The following SHROOM3 variants were observed in gnomAD, a reference collection of about 807,000 sequenced individuals.
SHROOM3 encodes the protein shroom family member 3, also known as protein Shroom3.
Under a neutral mutation model 138.6 loss-of-function variants are expected in SHROOM3, and 47 were observed. The observed-to-expected ratio is 0.34, with a 90% confidence interval of 0.27 to 0.43. The LOEUF (loss-of-function observed/expected upper bound fraction) is 0.43, where lower values mean the gene tolerates loss of function less well. SHROOM3 is among the 20% of genes least tolerant of loss of function. SHROOM3 has a pLI of 1.00. For synonymous variants in SHROOM3, 1,062 were observed against 1,063.3 expected (o/e 1.00, Z 0.02); for missense variants, 2,491 against 2,596.5 (o/e 0.96, Z 0.88).
intron 2 of SHROOM3, among the ~76,000 whole-genome samples, chr4:76,573,820 A>C (rs1240423768): frequency 1.3e-5 from 2 of 151,668 alleles, no homozygotes; most frequent in African/African-American, 2.4e-5. Flanking sequence ...CATCCCAGCA[A>C]CTCCTGACCC....
chr4:76,542,457 G>T (rs534874816), intron 1 of SHROOM3, among the ~76,000 whole-genome samples: 1 of 152,320 alleles, frequency 6.6e-6, no homozygotes, highest in African/African-American at 2.4e-5. Context: ...AGATTGGGGA[G>T]ATTCTCCTAG....
chr4:76,594,500 C>A (rs756963610), intron 2 of SHROOM3, among the ~76,000 whole-genome samples: 1 of 152,156 alleles, frequency 6.6e-6, no homozygotes, highest in Non-Finnish European at 1.5e-5. Flanking sequence ...ATGTCACTTA[C>A]ATAAAAACTT....
intron 1 of SHROOM3, among the ~76,000 whole-genome samples, chr4:76,456,860 G>A (rs982441595): frequency 5.7e-4 from 87 of 152,166 alleles, no homozygotes; most frequent in African/African-American, 1.9e-3. Flanking sequence ...TGGGATAGGC[G>A]GTGAAGTTAA....
intron 2 of SHROOM3, chr4:76,689,619 C>A: frequency 1.0e-6 from 1 of 985,232 alleles, no homozygotes; most frequent in Non-Finnish European, 1.2e-6. Flanking sequence ...GCCGCCTCCT[C>A]GGAGCGGCGG....
chr4:76,596,439 A>T (rs570883435), intron 2 of SHROOM3, among the ~76,000 whole-genome samples: 1 of 152,296 alleles, frequency 6.6e-6, no homozygotes, highest in African/African-American at 2.4e-5. Flanking sequence ...GATGTTGTGT[A>T]TAACATCTGG....
At chr4:76,751,582 C>T (rs1267321397) in intron 6 of SHROOM3, among the ~76,000 whole-genome samples, 2 of 152,144 alleles carry the variant, frequency 1.3e-5, no homozygotes. Flanking sequence ...CTAGAGGATA[C>T]CAATCCAACT....
chr4:76,591,232 G>A (rs1053125178), intron 2 of SHROOM3, among the ~76,000 whole-genome samples: 2 of 152,134 alleles, frequency 1.3e-5, no homozygotes, highest in Non-Finnish European at 2.9e-5. Context: ...GAAGGCACAC[G>A]GCCTGTCAGA....
chr4:76,509,581 C>G (rs1390706296), intron 1 of SHROOM3: 1 of 152,526 alleles, frequency 6.6e-6, no homozygotes, highest in Non-Finnish European at 1.5e-5. Context: ...TACAGCACAA[C>G]TTGGTTGAAG....
chr4:76,738,626 A>G (rs1469179708), intron 4 of SHROOM3, 135 bp from the exon 5 acceptor site: 3 of 997,006 alleles, frequency 3.0e-6, no homozygotes, highest in Non-Finnish European at 4.7e-6. Flanking sequence ...CAAGGCCCAA[A>G]TATGGCCCTT....
intron 2 of SHROOM3, among the ~76,000 whole-genome samples, chr4:76,649,713 C>T (rs1735911881): frequency 6.6e-6 from 1 of 152,130 alleles, no homozygotes; most frequent in Non-Finnish European, 1.5e-5. Flanking sequence ...TAAAATCTAG[C>T]ATTTTGATGA....
chr4:76,707,759 C>T (rs1021380387), intron 2 of SHROOM3, among the ~76,000 whole-genome samples: 7 of 152,076 alleles, frequency 4.6e-5, no homozygotes, highest in Admixed American at 2.6e-4. Context: ...GACTATTTTC[C>T]ACCTCGGTTC....
At chr4:76,628,487 C>T (rs921215001) in intron 2 of SHROOM3, among the ~76,000 whole-genome samples, 39 of 152,092 alleles carry the variant, frequency 2.6e-4, no homozygotes, top group African/African-American at 9.4e-4. Flanking sequence ...TAATGCTTTT[C>T]CAGGAAGTGA....
intron 1 of SHROOM3, among the ~76,000 whole-genome samples, chr4:76,455,865 T>C (rs1159477286): frequency 6.6e-6 from 1 of 152,180 alleles, no homozygotes; most frequent in Non-Finnish European, 1.5e-5. Flanking sequence ...CCAGCAACTG[T>C]AGTTGTCCCT....
At chr4:76,513,184 C>T (rs538890103) in intron 1 of SHROOM3, among the ~76,000 whole-genome samples, 3 of 152,256 alleles carry the variant, frequency 2.0e-5, no homozygotes, top group African/African-American at 7.2e-5. Flanking sequence ...TTTCATGATT[C>T]CCTATCAGAG....
intron 2 of SHROOM3, among the ~76,000 whole-genome samples, chr4:76,563,263 T>C (rs1356218797): frequency 6.6e-6 from 1 of 152,258 alleles, no homozygotes; most frequent in Admixed American, 6.5e-5. Flanking sequence ...TTAATGGCAC[T>C]GATTTGACTC....
rs376139309 is a variant in SHROOM3 at position 76,527,824 on chromosome 4, A to T, written c.169-27785A>T. 2.0e-5 allele frequency among the ~76,000 whole-genome samples: 3 copies of T among 152,256 alleles called. No homozygotes were observed. In the East Asian group the frequency reaches 5.8e-4, roughly 29 times the overall value. On this transcript the variant is annotated intron_variant, in intron 1 of 10. Transcript: ENST00000296043. ...GAGACTTGTTCTTAATACTGGATGG[A>T]TCGCCCATGACCAGCCCTGCTGGCC...
chr4:76,647,141 A>G (rs1735839755), intron 2 of SHROOM3, among the ~76,000 whole-genome samples: 1 of 152,232 alleles, frequency 6.6e-6, no homozygotes, highest in African/African-American at 2.4e-5. Context: ...CTTAACGTTA[A>G]GTGAAATAAG....
chr4:76,684,469 C>T (rs755107618), intron 2 of SHROOM3, among the ~76,000 whole-genome samples: 3 of 152,230 alleles, frequency 2.0e-5, no homozygotes, highest in Non-Finnish European at 4.4e-5. Flanking sequence ...AGGCTCCATG[C>T]GCATTGTAGT....
chr4:76,644,791 C>G (rs1735776678), intron 2 of SHROOM3, among the ~76,000 whole-genome samples: 1 of 152,122 alleles, frequency 6.6e-6, no homozygotes, highest in African/African-American at 2.4e-5. Flanking sequence ...ATTACCAGAG[C>G]AACATATCTG....
Sources: allele counts gnomAD v4.1 joint callset (sites outside exome capture counted in the v4.1 genomes callset), GRCh38; gene constraint gnomAD v4.1.1; transcripts MANE v1.5; gene names NCBI Gene and HGNC (gene_info 2026-07-23, HGNC 2026-07-21).